The following CSNK1D variants were observed in gnomAD, a reference collection of about 807,000 sequenced individuals.
CSNK1D encodes the protein casein kinase 1 delta, also known as casein kinase I isoform delta.
Under a neutral mutation model 46.6 loss-of-function variants are expected in CSNK1D, and 16 were observed. The observed-to-expected ratio is 0.34, with a 90% CI of 0.23 to 0.52. CSNK1D has a LOEUF of 0.52. CSNK1D is among the 20% of genes least tolerant of loss of function. The probability of loss-of-function intolerance (pLI) is 0.95; values close to 1 mark genes in which losing one functional copy is unlikely to be tolerated. For missense variants in CSNK1D, 398 were observed against 578.4 expected (o/e 0.69, Z 3.20); for synonymous variants, 276 against 228.2 (o/e 1.21, Z -1.89).
intron 1 of CSNK1D, chr17:82,266,997 T>A (rs1358382196): frequency 6.7e-6 from 1 of 149,768 alleles, no homozygotes; most frequent in African/African-American, 2.5e-5. Context: ...GAGGCGGAGC[T>A]TGCAGTGAGC....
At chr17:82,242,221 G>T (rs577613932), downstream of CSNK1D, among the ~76,000 whole-genome samples, 33 of 151,622 alleles carry the variant, frequency 2.2e-4, 1 homozygote, top group South Asian at 2.9e-3. Context: ...CTGGGGGGGG[G>T]GGGAAGAGGA....
rs1283489196 is a variant in CSNK1D at position 82,273,139 on chromosome 17, C to T, written c.76+167G>A. 8.7e-6 allele frequency: 6 copies of T among 691,748 alleles called. No homozygotes were observed. The highest frequency in any genetic ancestry group is 1.9e-5 in the African/African-American group (1 of 53,414). The allele number at this position is 691,748 out of a possible 1,614,324, so 42.9% of individuals were successfully genotyped here. On this transcript the variant is annotated intron_variant, in intron 1 of 8. Transcript: ENST00000314028. The surrounding 1 kb of genome is among the most constrained non-coding windows in gnomAD (Gnocchi z 5.1). ...CCGCTCCCCACTGCCCTCCCCACCC[C>T]TGGCCGCGCTAGCCTAGTGGCCGTT...
At chr17:82,268,347 G>A (rs922141264) in intron 1 of CSNK1D, among the ~76,000 whole-genome samples, 2 of 152,220 alleles carry the variant, frequency 1.3e-5, no homozygotes, top group African/African-American at 4.8e-5. Flanking sequence ...CACTCTACCA[G>A]CCATGCTGCT....
rs777970652 is a variant in CSNK1D, at chr17:82,252,405, C to G, written c.736+29G>C. On this transcript the variant is annotated intron_variant, in intron 5 of 8. Transcript: ENST00000314028. The surrounding 1 kb of genome is among the most constrained non-coding windows in gnomAD (Gnocchi z 4.6). ...ACATATGCAACCCCTGTGAGCAGCTCCGCTGAGAAGAGGCCTCCAGAGACT... is the reference window on the plus strand; with the variant it reads ...ACATATGCAACCCCTGTGAGCAGCTGCGCTGAGAAGAGGCCTCCAGAGACT... 1.2e-6 allele frequency: 2 copies of G among 1,613,492 alleles called. No individual in the cohort carries two copies. Among genetic ancestry groups the G allele is most frequent in the African/African-American group, 2.7e-5 (2 of 74,932 alleles).
intron 2 of CSNK1D, among the ~76,000 whole-genome samples, chr17:82,256,580 C>T (rs915806088): frequency 1.3e-5 from 2 of 151,724 alleles, no homozygotes; most frequent in Non-Finnish European, 2.9e-5. Flanking sequence ...CAAGACGTTA[C>T]GTATGAAAAG....
chr17:82,261,694 G>A (rs1281071695), intron 2 of CSNK1D, among the ~76,000 whole-genome samples: 1 of 152,202 alleles, frequency 6.6e-6, no homozygotes, highest in African/African-American at 2.4e-5. Context: ...GGGCGAATGG[G>A]CTCCACAGGG....
Position 82,244,135 on chromosome 17 carries a change from C to CGT in CSNK1D, c.*645_*646insAC. The CGT allele has an allele frequency of 1.0e-6, 1 of 995,800 alleles. No homozygotes were observed. Among genetic ancestry groups the CGT allele is most frequent in the Non-Finnish European group, 1.2e-6 (1 of 835,374 alleles). The allele number at this position is 995,800 out of a possible 1,614,324, so 61.7% of individuals were successfully genotyped here. On this transcript the variant is annotated 3_prime_UTR_variant, in exon 9 of 9. Transcript: ENST00000314028. The stretch of plus-strand genomic sequence containing the variant: ...CAGGTTGAAGAGGTCCCACCACACA[C>CGT]GGGCACACACACACACCACGGACTT...
intron 1 of CSNK1D, among the ~76,000 whole-genome samples, chr17:82,268,438 C>T (rs2051535318): frequency 6.6e-6 from 1 of 152,260 alleles, no homozygotes; most frequent in African/African-American, 2.4e-5. Context: ...TCTGGCATCG[C>T]TGCAGCATTT....
intron 2 of CSNK1D, among the ~76,000 whole-genome samples, chr17:82,257,269 G>A (rs2051196782): frequency 6.6e-6 from 1 of 151,864 alleles, no homozygotes; most frequent in South Asian, 2.1e-4. Context: ...TTTTTTGTGA[G>A]GCAAGTATCT....
chr17:82,260,627 T>C (rs931358450), intron 2 of CSNK1D, among the ~76,000 whole-genome samples: 7 of 148,004 alleles, frequency 4.7e-5, no homozygotes, highest in African/African-American at 1.8e-4. Flanking sequence ...GATGGTGTAC[T>C]GAGTGACGTG....
chr17:82,271,663 C>T (rs911864658), intron 1 of CSNK1D, among the ~76,000 whole-genome samples: 2 of 152,236 alleles, frequency 1.3e-5, no homozygotes, highest in African/African-American at 4.8e-5. Flanking sequence ...GACAGGGTCA[C>T]CTGGCAGGTT....
chr17:82,246,692 G>T, intron 8 of CSNK1D: 1 of 994,634 alleles, frequency 1.0e-6, no homozygotes, highest in African/African-American at 1.7e-5. Flanking sequence ...CTGCCACGTG[G>T]TCTTCCACCC....
Position 82,248,113 on chromosome 17 carries a change from C to T in CSNK1D, c.1197+762G>A, listed in dbSNP as rs932301391. 2.0e-6 allele frequency: 2 copies of T among 985,406 alleles called. No homozygotes were observed. Among genetic ancestry groups the T allele is most frequent in the East Asian group, 1.1e-4 (1 of 8,810 alleles). 61.0% of individuals were successfully genotyped at this position (985,406 alleles called of 1,614,324 possible). On this transcript the variant is annotated intron_variant, in intron 8 of 8. Transcript: ENST00000314028. This position sits in a 1 kb window ranked among gnomAD's most constrained non-coding sequence, Gnocchi z 4.1. ...GGAAGACCCGTGGGGGATCTGGGCA[C>T]CCCCCAGGATGCCTGCTGGTGAAAC...
At position 82,242,980 on chromosome 17, in the gene CSNK1D, C is replaced by T. The variant is rs963765423; in HGVS notation, c.*1801G>A. 19 of 985,346 alleles carry T rather than the reference C, an allele frequency of 1.9e-5. No individual in the cohort carries two copies. The highest frequency in any genetic ancestry group is 2.2e-5 in the Non-Finnish European group (18 of 829,946). The allele number at this position is 985,346 out of a possible 1,614,324, so 61.0% of individuals were successfully genotyped here. On this transcript the variant is annotated 3_prime_UTR_variant, in exon 9 of 9. Coordinates refer to ENST00000314028, the MANE Select transcript of CSNK1D (RefSeq NM_001893.6). Reference sequence around the variant, plus strand: ...TGCGCCACTTCAGGCCACAGCGCGACGTCTCTCCGGGTGGGGGACGTCTAC... The same window carrying T: ...TGCGCCACTTCAGGCCACAGCGCGATGTCTCTCCGGGTGGGGGACGTCTAC...
In CSNK1D at chr17:82,252,315, A is replaced by G. The variant is rs952465811; in HGVS notation, c.736+119T>C. 6.0e-5 allele frequency: 70 copies of G among 1,175,418 alleles called. 3 individuals are homozygous for G. In the Admixed American group the frequency reaches 1.1e-3, roughly 18 times the overall value. The allele number at this position is 1,175,418 out of a possible 1,614,324, so 72.8% of individuals were successfully genotyped here. ...AAAAGCGCCCCGCTTTCCTGCCACCACCCCTTTGGAAGGTGAGCAACTCTT... is the reference window on the plus strand; with the variant it reads ...AAAAGCGCCCCGCTTTCCTGCCACCGCCCCTTTGGAAGGTGAGCAACTCTT... On this transcript the variant is annotated intron_variant, in intron 5 of 8. Transcript: ENST00000314028. The surrounding 1 kb of genome is among the most constrained non-coding windows in gnomAD (Gnocchi z 4.6).
chr17:82,260,927 C>T (rs565222723), intron 2 of CSNK1D: 42 of 155,186 alleles, frequency 2.7e-4, no homozygotes, highest in Non-Finnish European at 5.8e-4. Flanking sequence ...GGCTGGAGGG[C>T]AGTGGCACCA....
rs757080933 is a variant in CSNK1D at position 82,243,421 on chromosome 17, G to A, written c.*1360C>T. 1.7e-5 allele frequency: 17 copies of A among 985,418 alleles called. No individual in the cohort carries two copies. The highest frequency in any genetic ancestry group is 2.0e-5 in the Non-Finnish European group (17 of 829,992). The allele number at this position is 985,418 out of a possible 1,614,324, so 61.0% of individuals were successfully genotyped here. ...ACCGCCCAAGTGCTGCGGAGTGAGA[G>A]GCGAGAAGGCATCCTGGGAACCTCA... On this transcript the variant is annotated 3_prime_UTR_variant, in exon 9 of 9. Coordinates refer to ENST00000314028, the MANE Select transcript of CSNK1D (RefSeq NM_001893.6).
chr17:82,265,106 A>C (rs2051435096), intron 2 of CSNK1D, among the ~76,000 whole-genome samples: 1 of 151,228 alleles, frequency 6.6e-6, no homozygotes, highest in African/African-American at 2.4e-5. Context: ...GCCTATTCAC[A>C]CACACTCTTG....
intron 2 of CSNK1D, among the ~76,000 whole-genome samples, chr17:82,256,559 G>A (rs1201278781): frequency 6.6e-6 from 1 of 151,758 alleles, no homozygotes; most frequent in African/African-American, 2.4e-5. Flanking sequence ...GAAAGACCTG[G>A]ACACTTCACC....
Sources: gnomAD v4.1 joint callset for allele counts (sites outside exome capture counted in the v4.1 genomes callset) on GRCh38, gnomAD v4.1.1 for gene constraint, Gnocchi (gnomAD v3.1) non-coding constraint, MANE v1.5 for transcripts, NCBI Gene and HGNC (gene_info 2026-07-23, HGNC 2026-07-21) for gene names.